Variants in ASIC1 observed in about 807,000 individuals in gnomAD.
ASIC1 encodes the protein acid-sensing ion channel 1.
In ASIC1, 21 loss-of-function variants were observed where a neutral mutation model predicts 63.4. The observed-to-expected ratio is 0.33, with a 90% CI of 0.23 to 0.48. The LOEUF is 0.48. Ranked by LOEUF, ASIC1 falls within the 20% of genes least tolerant of loss-of-function variation. The probability of loss-of-function intolerance (pLI) is 0.99; values close to 1 mark genes in which losing one functional copy is unlikely to be tolerated. For missense variants in ASIC1, 478 were observed against 695.5 expected (o/e 0.69, Z 3.52); for synonymous variants, 258 against 278.2 (o/e 0.93, Z 0.72).
intron 9 of ASIC1, 58 bp downstream of exon 9, chr12:50,080,647 A>G: frequency 1.9e-6 from 3 of 1,614,112 alleles, no homozygotes; most frequent in Non-Finnish European, 2.5e-6. Flanking sequence ...GTGGCTCCCT[A>G]TCATCCAAAA....
intron 8 of ASIC1, chr12:50,080,289 T>A: frequency 1.3e-6 from 1 of 768,138 alleles, no homozygotes; most frequent in East Asian, 2.7e-5. Context: ...CCGGAGTCAC[T>A]TTATACTTGA....
chr12:50,077,394 A>AT, intron 4 of ASIC1, 31 bp downstream of exon 4: 2 of 1,613,422 alleles, frequency 1.2e-6, no homozygotes, highest in South Asian at 1.1e-5. Flanking sequence ...GCCCCTCTGC[A>AT]TGGCTCTAGG....
chr12:50,058,803 G>T lies in ASIC1; in HGVS notation c.37G>T (p.Val13Phe), dbSNP rs368761955. 9 of 1,597,946 alleles carry T rather than the reference G, an allele frequency of 5.6e-6. No homozygotes were observed. The highest frequency in any genetic ancestry group is 1.3e-5 in the African/African-American group (1 of 74,692). The change falls in exon 2 of 12, where the codon GTC (valine) becomes TTC (phenylalanine). Residue 13 changes from valine (V) to phenylalanine (F), a missense_variant. Val to Phe is a conservative substitution (Grantham distance 50). Around this residue, in one of 3 missense-constraint regions of ASIC1, gnomAD observed 290 missense variants for 414.9 expected, o/e 0.70. Transcript: ENST00000447966. The stretch of plus-strand genomic sequence containing the variant: ...GGCCGAGGAGGAGGAGGTGGGTGGC[G>T]TCCAGCCGGTGAGCATCCAGGCCTT... ...LKAEEEEVGG[V>F]QPVSIQAFAS...
chr12:50,070,213 C>T (rs567688140), intron 3 of ASIC1, among the ~76,000 whole-genome samples: 1 of 152,160 alleles, frequency 6.6e-6, no homozygotes, highest in Non-Finnish European at 1.5e-5. Context: ...GGCACCTCTC[C>T]AGGGGCCCTC....
intron 3 of ASIC1, among the ~76,000 whole-genome samples, chr12:50,066,008 T>C (rs886684498): frequency 6.6e-6 from 1 of 152,148 alleles, no homozygotes; most frequent in African/African-American, 2.4e-5. Flanking sequence ...GGAGTGTGAA[T>C]GTAGAGTGTG....
At chr12:50,077,022 T>C (rs1364084382) in intron 3 of ASIC1, 191 bp from the exon 4 acceptor site, 2 of 962,278 alleles carry the variant, frequency 2.1e-6, no homozygotes, top group Non-Finnish European at 3.3e-6. Context: ...AGGAACAGTT[T>C]TCCAGGGCAC....
intron 3 of ASIC1, among the ~76,000 whole-genome samples, chr12:50,066,828 A>T (rs1159937217): frequency 6.6e-6 from 1 of 152,074 alleles, no homozygotes; most frequent in African/African-American, 2.4e-5. Context: ...CTCAGACAAG[A>T]TCTTGTCCTT....
chr12:50,072,704 G>A (rs1950612025), intron 3 of ASIC1, among the ~76,000 whole-genome samples: 1 of 152,134 alleles, frequency 6.6e-6, no homozygotes, highest in African/African-American at 2.4e-5. Context: ...CACTGCAGGA[G>A]ACAGGGTCCC....
In ASIC1 at chr12:50,059,174, G is replaced by T; in HGVS notation, c.362+46G>T. ...CTCAGCCCTGCTCCTGGAGTTGCTT[G>T]AGTTCCAGTCAGGATGTCTGCCTCC... is the stretch of plus-strand genomic sequence containing the variant. On this transcript the variant is annotated intron_variant, in intron 2 of 11. Coordinates refer to ENST00000447966, the MANE Select transcript of ASIC1 (RefSeq NM_001095.4). The surrounding 1 kb of genome is among the most constrained non-coding windows in gnomAD (Gnocchi z 4.6). The T allele has an allele frequency of 6.3e-7, 1 of 1,594,012 alleles. No homozygotes were observed. Among genetic ancestry groups the T allele is most frequent in the South Asian group, 1.1e-5 (1 of 89,448 alleles).
intron 3 of ASIC1, among the ~76,000 whole-genome samples, chr12:50,069,700 AT>A (rs112116475): frequency 0.015 from 2,162 of 147,396 alleles, 42 homozygotes; most frequent in African/African-American, 0.048. Context: ...TGATAGAGTC[AT>A]TTTTTTTTTT....
rs531738082 is a variant in ASIC1 at position 50,073,496 on chromosome 12, G to A, written c.559-3717G>A. ...GACGGGCTGGGTGGCTGGCTCTGCC[G>A]GACTCTGCCTGGAGTCACATCGCCT... On this transcript the variant is annotated intron_variant, in intron 3 of 11. Transcript: ENST00000447966. 2,169 of 1,431,566 alleles carry A rather than the reference G, an allele frequency of 1.5e-3. 9 individuals are homozygous for A. The highest frequency in any genetic ancestry group is 2.1e-3 in the Admixed American group (76 of 35,560). The allele number at this position is 1,431,566 out of a possible 1,614,324, so 88.7% of individuals were successfully genotyped here. A position where few individuals can be genotyped will look rare whatever the true frequency, so the allele number is the denominator to read the frequency against.
intron 7 of ASIC1, among the ~76,000 whole-genome samples, chr12:50,079,184 G>A (rs1950689309): frequency 6.6e-6 from 1 of 152,122 alleles, no homozygotes; most frequent in South Asian, 2.1e-4. Context: ...GGCTGAGGTG[G>A]GCAAATTGCT....
At chr12:50,068,658 A>T (rs907639333) in intron 3 of ASIC1, among the ~76,000 whole-genome samples, 1 of 151,254 alleles carries the variant, frequency 6.6e-6, no homozygotes. Flanking sequence ...CAAAACCTGC[A>T]TGTGCAAAAC....
rs568654552 is a variant in ASIC1 at position 50,075,904 on chromosome 12, C to G, written c.559-1309C>G. On this transcript the variant is annotated intron_variant, in intron 3 of 11. Transcript: ENST00000447966. ...TGCAGCTTTTTAATCAGCACTGTGA[C>G]CAGGGCTGCACTGGGGCATGGAGTG... 3.3e-4 allele frequency among the ~76,000 whole-genome samples: 51 copies of G among 152,304 alleles called. No homozygotes were observed. In the South Asian group the frequency reaches 3.9e-3, roughly 12 times the overall value.
chr12:50,058,809 C>T lies in ASIC1; in HGVS notation c.43C>T (p.Pro15Ser). The change falls in exon 2 of 12, where the codon CCG becomes TCG. Residue 15 changes from proline (P) to serine (S), a missense_variant. Pro to Ser is a moderately conservative substitution (Grantham distance 74). This residue lies in a region of ASIC1 where 290 missense variants were observed against 414.9 expected (regional missense o/e 0.70). Coordinates refer to ENST00000447966, the MANE Select transcript of ASIC1 (RefSeq NM_001095.4). ...AEEEEVGGVQ[P>S]VSIQAFASSS... ...GGAGGAGGAGGTGGGTGGCGTCCAG[C>T]CGGTGAGCATCCAGGCCTTCGCCAG... The T allele has an allele frequency of 6.2e-7, 1 of 1,601,996 alleles. No individual in the cohort carries two copies.
intron 3 of ASIC1, among the ~76,000 whole-genome samples, chr12:50,073,362 C>T (rs573552716): frequency 6.4e-4 from 98 of 152,314 alleles, no homozygotes; most frequent in Non-Finnish European, 2.6e-4. Flanking sequence ...CCCAGACACC[C>T]GCCCTCCCTG....
chr12:50,079,842 T>G, intron 7 of ASIC1, 60 bp from the exon 8 acceptor site: 1 of 1,538,474 alleles, frequency 6.5e-7, no homozygotes, highest in Admixed American at 2.0e-5. Flanking sequence ...GATGTGCATG[T>G]GGGAAGGTGC....
chr12:50,064,806 G>T (rs560790368), intron 3 of ASIC1, among the ~76,000 whole-genome samples: 1 of 152,338 alleles, frequency 6.6e-6, no homozygotes, highest in African/African-American at 2.4e-5. Flanking sequence ...GAGGGAGACA[G>T]AATATTCAGA....
Position 50,074,239 on chromosome 12 carries a change from T to C in ASIC1, c.559-2974T>C. Reference sequence around the variant, plus strand: ...GGGACCCTGCGGCCCTCACAACTTCTCAGTGGTGAGTGGAGCCCCATGCCT... The same window carrying C: ...GGGACCCTGCGGCCCTCACAACTTCCCAGTGGTGAGTGGAGCCCCATGCCT... On this transcript the variant is annotated intron_variant, in intron 3 of 11. Coordinates refer to ENST00000447966, the MANE Select transcript of ASIC1 (RefSeq NM_001095.4). The surrounding 1 kb of genome is among the most constrained non-coding windows in gnomAD (Gnocchi z 4.2). 1 of 1,478,912 alleles carries C rather than the reference T, an allele frequency of 6.8e-7. No individual in the cohort carries two copies. Among genetic ancestry groups the C allele is most frequent in the Non-Finnish European group, 9.0e-7 (1 of 1,116,464 alleles). 91.6% of individuals were successfully genotyped at this position (1,478,912 alleles called of 1,614,324 possible). A position where few individuals can be genotyped will look rare whatever the true frequency, so the allele number is the denominator to read the frequency against.
Sources: allele counts gnomAD v4.1 joint callset (sites outside exome capture counted in the v4.1 genomes callset), GRCh38; gene constraint gnomAD v4.1.1; regional missense constraint gnomAD v4.1.1; non-coding constraint Gnocchi (gnomAD v3.1); transcripts MANE v1.5; gene names NCBI Gene and HGNC (gene_info 2026-07-23, HGNC 2026-07-21).